LTBP2: variants seen among roughly 807,000 people sequenced by gnomAD.
LTBP2 encodes the protein latent transforming growth factor beta binding protein 2.
Under a neutral mutation model 210.6 loss-of-function variants are expected in LTBP2, and 103 were observed. The ratio of observed to expected loss-of-function variants is 0.49; its 90% CI spans 0.42 to 0.58. LTBP2 has a LOEUF of 0.58. Among genes scored for constraint, LTBP2 ranks in the 20% least tolerant of loss-of-function variants. The pLI is 0.00. For missense variants in LTBP2, 2,313 were observed against 2,494.5 expected, an observed-to-expected ratio of 0.93 and a Z score of 1.55; for synonymous variants, 1,007 against 1,015.0, an observed-to-expected ratio of 0.99 and a Z score of 0.15.
At chr14:74,565,940 T>A (rs556919012) in intron 3 of LTBP2, among the ~76,000 whole-genome samples, 1 of 152,324 alleles carries the variant, frequency 6.6e-6, no homozygotes, top group South Asian at 2.1e-4. Context: ...CTACCACTTG[T>A]CTGCTAGCAC....
intron 1 of LTBP2, among the ~76,000 whole-genome samples, chr14:74,606,100 C>A (rs74063232): frequency 1.3e-5 from 2 of 152,170 alleles, no homozygotes; most frequent in South Asian, 2.1e-4. Flanking sequence ...CTAGAAGGTA[C>A]CTCTCAGAGA....
chr14:74,535,391 C>T (rs2139726794), intron 9 of LTBP2, among the ~76,000 whole-genome samples: 1 of 152,334 alleles, frequency 6.6e-6, no homozygotes, highest in Admixed American at 6.5e-5. Flanking sequence ...TCCCCACTGG[C>T]CTCTGCCAGC....
chr14:74,555,882 G>A (rs973390925), intron 3 of LTBP2, among the ~76,000 whole-genome samples, 189 bp from the exon 4 acceptor site: 5 of 152,222 alleles, frequency 3.3e-5, no homozygotes, highest in African/African-American at 1.2e-4. Flanking sequence ...AGGCCTGCCG[G>A]CTAGTTTTGT....
rs150022263 is a variant in LTBP2, at chr14:74,563,017, G to A, written c.831-7324C>T. ...GTAGCAGCTAAAGGCTTATACCTGT[G>A]ATTTCTTCCAAGCCATGCTCTTGGC... On this transcript the variant is annotated intron_variant, in intron 3 of 35. Coordinates refer to ENST00000261978, the MANE Select transcript of LTBP2 (RefSeq NM_000428.3). Among the ~76,000 whole-genome samples, 8 of 152,252 alleles carry A rather than the reference G, an allele frequency of 5.3e-5. No homozygotes were observed. The East Asian group carries it at 1.5e-3, about 29-fold the overall frequency.
chr14:74,498,526 A>G lies in LTBP2; in HGVS notation c.*2358T>C. The stretch of plus-strand genomic sequence containing the variant: ...ATGAAATGAGGCAGCTCTAATTGCA[A>G]GTATAAAAAAAAAGCAAAGTGCAGA... On this transcript the variant is annotated 3_prime_UTR_variant, in exon 36 of 36. Coordinates refer to ENST00000261978, the MANE Select transcript of LTBP2 (RefSeq NM_000428.3). 8.9e-6 allele frequency: 2 copies of G among 224,724 alleles called. No individual in the cohort carries two copies. Among genetic ancestry groups the G allele is most frequent in the East Asian group, 1.3e-4 (2 of 15,544 alleles). The allele number at this position is 224,724 out of a possible 1,614,324, so 13.9% of individuals were successfully genotyped here.
intron 8 of LTBP2, among the ~76,000 whole-genome samples, chr14:74,541,313 G>A (rs540682089): frequency 5.4e-4 from 82 of 152,230 alleles, no homozygotes; most frequent in African/African-American, 1.9e-3. Context: ...CTAGAGCTGT[G>A]TGGGCACTCA....
intron 3 of LTBP2, among the ~76,000 whole-genome samples, chr14:74,559,572 A>T (rs903640327): frequency 6.6e-6 from 1 of 152,188 alleles, no homozygotes. Context: ...TCAACTCTGG[A>T]TCCCTGGTGG....
At chr14:74,511,395 C>T in intron 18 of LTBP2, 31 bp from the exon 19 acceptor site, 1 of 1,613,606 alleles carries the variant, frequency 6.2e-7, no homozygotes. Flanking sequence ...CCTTGGTCAT[C>T]CCTGGGAACA....
intron 8 of LTBP2, among the ~76,000 whole-genome samples, chr14:74,544,959 C>T (rs193078986): frequency 6.6e-6 from 1 of 152,286 alleles, no homozygotes; most frequent in African/African-American, 2.4e-5. Context: ...ACACCCTTCT[C>T]CCTAGGGCAA....
chr14:74,531,753 T>C lies in LTBP2; in HGVS notation c.1987+673A>G, dbSNP rs557046246. Among the ~76,000 whole-genome samples the C allele has an allele frequency of 1.3e-4, 20 of 152,348 alleles. 1 individual carries two copies. The South Asian group carries it at 3.7e-3, about 28-fold the overall frequency. On this transcript the variant is annotated intron_variant, in intron 10 of 35. Coordinates refer to ENST00000261978, the MANE Select transcript of LTBP2 (RefSeq NM_000428.3). ...AGTTGGGACTGGTTTTATTCAGCTC[T>C]GGTCAGGCCTCCCGGCCCAGGGAAA...
At chr14:74,541,523 C>A (rs2087508134) in intron 8 of LTBP2, among the ~76,000 whole-genome samples, 1 of 152,122 alleles carries the variant, frequency 6.6e-6, no homozygotes, top group African/African-American at 2.4e-5. Flanking sequence ...GAAACAAACC[C>A]AAGGTCACCC....
intron 34 of LTBP2, chr14:74,501,886 C>G (rs757899022): frequency 4.1e-6 from 2 of 487,516 alleles, no homozygotes; most frequent in South Asian, 4.4e-5. Flanking sequence ...TTTGGGTGGT[C>G]GAGGAGTGTG....
chr14:74,538,598 A>G (rs2087452393), intron 8 of LTBP2, among the ~76,000 whole-genome samples: 1 of 152,188 alleles, frequency 6.6e-6, no homozygotes. Context: ...AGACAAATAG[A>G]AGGAGGCACC....
intron 28 of LTBP2, among the ~76,000 whole-genome samples, chr14:74,505,400 C>T (rs112749881): frequency 7.9e-5 from 12 of 152,290 alleles, no homozygotes; most frequent in African/African-American, 2.4e-4. Context: ...CACTGCTGTG[C>T]GATTAAGCTA....
chr14:74,574,772 G>C (rs931135579), intron 3 of LTBP2, among the ~76,000 whole-genome samples: 1 of 152,180 alleles, frequency 6.6e-6, no homozygotes, highest in African/African-American at 2.4e-5. Context: ...AGCTCTGGGA[G>C]AATACTAAAA....
In LTBP2 at chr14:74,551,193, A is replaced by G; in HGVS notation, c.1557T>C (p.Pro519=). The G allele has an allele frequency of 6.2e-7, 1 of 1,613,692 alleles. No individual in the cohort carries two copies. ...TGTTGCTGTCCCAGAGGCTGTGGCCAGGGCTGGCAGGCAGCCAGGGCGGGG... is the reference window on the plus strand; with the variant it reads ...TGTTGCTGTCCCAGAGGCTGTGGCCGGGGCTGGCAGGCAGCCAGGGCGGGG... ...TRPPPWLPAS[P]GHSLWDSNNI... Residue 519 remains proline (P), a synonymous_variant, in exon 7 of 36, where the codon CCT becomes CCC. Coordinates refer to ENST00000261978, the MANE Select transcript of LTBP2 (RefSeq NM_000428.3).
intron 4 of LTBP2, among the ~76,000 whole-genome samples, chr14:74,553,923 CGTGTGTGTGTGTGTGTGT>C (rs34143485): frequency 1.5e-5 from 2 of 130,640 alleles, no homozygotes; most frequent in Admixed American, 7.6e-5. Flanking sequence ...AGCGGAGAAA[CGTGTGTGTGTGTGTGTGT>C]GTGTGTGTGT....
At chr14:74,587,560 G>A (rs916557178) in intron 2 of LTBP2, among the ~76,000 whole-genome samples, 20 of 151,612 alleles carry the variant, frequency 1.3e-4, no homozygotes, top group African/African-American at 4.9e-4. Flanking sequence ...AGGCTGTGGA[G>A]GCTGGAAGGA....
intron 2 of LTBP2, among the ~76,000 whole-genome samples, chr14:74,600,168 C>A (rs1032155773): frequency 6.6e-6 from 1 of 152,190 alleles, no homozygotes; most frequent in Non-Finnish European, 1.5e-5. Context: ...CGCCCGCCTG[C>A]GTGGGTTCTC....
Sources: gnomAD v4.1 joint callset for allele counts (sites outside exome capture counted in the v4.1 genomes callset) on GRCh38, gnomAD v4.1.1 for gene constraint, MANE v1.5 for transcripts, NCBI Gene and HGNC (gene_info 2026-07-23, HGNC 2026-07-21) for gene names.